CLVS1: variants seen among roughly 807,000 people sequenced by gnomAD.
CLVS1 encodes clavesin 1, also known as clavesin-1.
CLVS1 carries 10 observed loss-of-function variants against 33.1 expected under a neutral mutation model. That is an observed-to-expected ratio of 0.30 (90% CI 0.19 to 0.51). CLVS1 has a LOEUF of 0.51. Among genes scored for constraint, CLVS1 ranks in the 20% least tolerant of loss-of-function variants. The pLI, the probability that CLVS1 is intolerant of heterozygous loss-of-function variation, is 0.97. For synonymous variants in CLVS1, 163 were observed against 166.1 expected (o/e 0.98, Z 0.14); for missense variants, 343 against 433.4 (o/e 0.79, Z 1.85).
At chr8:61,118,104 A>G (rs1805771854) in intron 1 of CLVS1, among the ~76,000 whole-genome samples, 1 of 151,164 alleles carries the variant, frequency 6.6e-6, no homozygotes, top group African/African-American at 2.4e-5. Context: ...GTCTTGGGAG[A>G]GTGTATGTGT....
rs574699175 is a variant in CLVS1 at position 61,085,780 on chromosome 8, T to G, written c.-243+28550T>G. ...CTCACACCTGTAATCCCAGCACTCT[T>G]TGGGAGGCCGAGGCGGGCGGATCAC... On this transcript the variant is annotated intron_variant, in intron 1 of 2. Coordinates refer to the CLVS1 transcript ENST00000522621. Among the ~76,000 whole-genome samples, 231 of 150,106 alleles carry G rather than the reference T, an allele frequency of 1.5e-3. 4 individuals carry two copies. The Middle Eastern group carries it at 0.021, about 14-fold the overall frequency.
intron 2 of CLVS1, among the ~76,000 whole-genome samples, chr8:61,149,569 C>CAAAAAAAAAAAAAAAAAAAAAAAAAA (rs1212944878): frequency 1.7e-5 from 2 of 120,274 alleles, no homozygotes; most frequent in South Asian, 2.8e-4. Flanking sequence ...AAAAAAAAAA[C>CAAAAAAAAAAAAAAAAAAAAAAAAAA]AAAAAACAAA....
chr8:61,478,945 G>A (rs566534006), intron 5 of CLVS1, among the ~76,000 whole-genome samples: 1 of 152,314 alleles, frequency 6.6e-6, no homozygotes, highest in East Asian at 1.9e-4. Flanking sequence ...TCTGCCAAGA[G>A]ATCCGCTGTT....
At chr8:61,017,681 C>T in the CLVS1 span, among the ~76,000 whole-genome samples, 1 of 152,184 alleles carries the variant, frequency 6.6e-6, no homozygotes, top group Non-Finnish European at 1.5e-5. Flanking sequence ...TGAAAAGTAT[C>T]CCCAGAAAGG....
chr8:61,013,891 A>G, the CLVS1 span, among the ~76,000 whole-genome samples: 1 of 152,110 alleles, frequency 6.6e-6, no homozygotes, highest in African/African-American at 2.4e-5. Flanking sequence ...ACATCTGAGG[A>G]CCCCGAGCTG....
intron 2 of CLVS1, among the ~76,000 whole-genome samples, chr8:61,223,531 T>C (rs1483479668): frequency 5.3e-5 from 8 of 152,216 alleles, no homozygotes; most frequent in Non-Finnish European, 1.0e-4. Context: ...CTTGTAGGGT[T>C]TCTGTTGAGA....
the CLVS1 span, among the ~76,000 whole-genome samples, chr8:60,965,548 A>C: frequency 6.6e-6 from 1 of 151,792 alleles, no homozygotes; most frequent in Non-Finnish European, 1.5e-5. Flanking sequence ...CCCATTAGGC[A>C]CCCCTGATGG....
Position 61,349,004 on chromosome 8 carries a change from G to A in CLVS1, c.456-27601G>A, listed in dbSNP as rs570567021. Among the ~76,000 whole-genome samples the A allele has an allele frequency of 6.1e-4, 92 of 151,976 alleles. No homozygotes were observed. The South Asian group carries it at 0.018, about 29-fold the overall frequency. On this transcript the variant is annotated intron_variant, in intron 2 of 5. Coordinates refer to ENST00000325897, the MANE Select transcript of CLVS1 (RefSeq NM_173519.3). ...TTGAGCACCTTTTCATGTATCTGTC[G>A]GCCATTTGTATGTCTCCTTTTGAGA...
chr8:61,105,346 A>G (rs1170108107), intron 1 of CLVS1, among the ~76,000 whole-genome samples: 1 of 152,178 alleles, frequency 6.6e-6, no homozygotes, highest in Non-Finnish European at 1.5e-5. Context: ...AGCTTCTATT[A>G]TTGGGATTTA....
upstream of CLVS1, chr8:61,287,856 A>G (rs953367487): frequency 3.6e-5 from 12 of 336,492 alleles, no homozygotes; most frequent in African/African-American, 2.4e-4. Context: ...TAACAAAATT[A>G]CAAATAATTA....
chr8:61,383,715 C>T (rs111447942), intron 3 of CLVS1, among the ~76,000 whole-genome samples: 23 of 152,340 alleles, frequency 1.5e-4, no homozygotes, highest in African/African-American at 5.1e-4. Context: ...ATTCTGATGG[C>T]AGGCTCAGTA....
chr8:61,498,904 ACT>A (rs1297659091), intron 5 of CLVS1, among the ~76,000 whole-genome samples: 1 of 152,154 alleles, frequency 6.6e-6, no homozygotes, highest in Non-Finnish European at 1.5e-5. Context: ...GTTTCCAATG[ACT>A]CTGAGAGACA....
chr8:61,351,083 G>A (rs1327189492), intron 2 of CLVS1, among the ~76,000 whole-genome samples: 2 of 152,026 alleles, frequency 1.3e-5, no homozygotes, highest in Admixed American at 1.3e-4. Context: ...ACTTGCTCAG[G>A]TATGGATTTT....
intron 3 of CLVS1, among the ~76,000 whole-genome samples, chr8:61,395,673 G>T (rs377752693): frequency 6.6e-6 from 1 of 152,154 alleles, no homozygotes; most frequent in Non-Finnish European, 1.5e-5. Context: ...TAGTGTTGGG[G>T]TGGGGTCTAA....
At chr8:61,275,969 G>A (rs539068793) in intron 2 of CLVS1, among the ~76,000 whole-genome samples, 1 of 152,284 alleles carries the variant, frequency 6.6e-6, no homozygotes, top group South Asian at 2.1e-4. Flanking sequence ...CTTAATTTAA[G>A]TTGCCATTAA....
chr8:61,183,635 T>TA (rs1442334523), intron 2 of CLVS1, among the ~76,000 whole-genome samples: 1 of 152,148 alleles, frequency 6.6e-6, no homozygotes, highest in Non-Finnish European at 1.5e-5. Flanking sequence ...GAAGCCACAC[T>TA]AATAGCCCCC....
intron 2 of CLVS1, among the ~76,000 whole-genome samples, chr8:61,338,353 A>G (rs900459152): frequency 3.3e-5 from 5 of 152,222 alleles, no homozygotes; most frequent in Non-Finnish European, 1.5e-5. Flanking sequence ...TAAATTGACC[A>G]GTAATCTCCT....
intron 2 of CLVS1, among the ~76,000 whole-genome samples, chr8:61,255,678 A>C (rs562215365): frequency 1.3e-5 from 2 of 152,326 alleles, no homozygotes; most frequent in Admixed American, 1.3e-4. Context: ...CAAGCAACAC[A>C]ATAGAGGAGG....
At chr8:60,970,496 C>T in the CLVS1 span, among the ~76,000 whole-genome samples, 1 of 152,142 alleles carries the variant, frequency 6.6e-6, no homozygotes, top group Non-Finnish European at 1.5e-5. Flanking sequence ...TTTTTGCAAC[C>T]TTATGTGTCT....
Sources: gnomAD v4.1 joint callset for allele counts (sites outside exome capture counted in the v4.1 genomes callset) on GRCh38, gnomAD v4.1.1 for gene constraint, MANE v1.5 for transcripts, NCBI Gene and HGNC (gene_info 2026-07-23, HGNC 2026-07-21) for gene names.